Variants in SEL1L2 observed in about 807,000 individuals in gnomAD.
SEL1L2 encodes SEL1L2 adaptor subunit of SYVN1 ubiquitin ligase.
SEL1L2 carries 89 observed loss-of-function variants against 98.8 expected under a neutral mutation model. That is an observed-to-expected ratio of 0.90 (90% CI 0.76 to 1.07). The LOEUF (loss-of-function observed/expected upper bound fraction) is 1.07, where lower values mean the gene tolerates loss of function less well. SEL1L2 is among the 50% of genes least tolerant of loss of function. The probability of loss-of-function intolerance (pLI) is 0.00; values close to 1 mark genes in which losing one functional copy is unlikely to be tolerated. For synonymous variants in SEL1L2, 262 were observed against 278.5 expected (o/e 0.94, Z 0.59); for missense variants, 788 against 812.0 (o/e 0.97, Z 0.36).
At position 13,915,261 on chromosome 20, in the gene SEL1L2, G is replaced by A. The variant is rs1024870785; in HGVS notation, c.387-1317C>T. On this transcript the variant is annotated intron_variant, in intron 4 of 19. Transcript: ENST00000284951. Reference sequence around the variant, plus strand: ...AGAATCCTGGATGTCAAAACACAGGGTGAGTACTCCAGTGGAACAAAAAGA... The same window carrying A: ...AGAATCCTGGATGTCAAAACACAGGATGAGTACTCCAGTGGAACAAAAAGA... The A allele has an allele frequency of 5.4e-6, 7 of 1,287,152 alleles. No homozygotes were observed. The East Asian group carries it at 1.7e-4, about 31-fold the overall frequency. 79.7% of individuals were successfully genotyped at this position (1,287,152 alleles called of 1,614,324 possible).
intron 12 of SEL1L2, among the ~76,000 whole-genome samples, chr20:13,873,157 A>G (rs911825079): frequency 2.0e-5 from 3 of 150,580 alleles, no homozygotes; most frequent in Non-Finnish European, 4.4e-5. Context: ...TGCCTGGCTA[A>G]TTTTGTACTT....
chr20:13,937,277 T>TCCTAG (rs1322103296), intron 2 of SEL1L2, among the ~76,000 whole-genome samples: 1 of 152,094 alleles, frequency 6.6e-6, no homozygotes, highest in East Asian at 1.9e-4. Flanking sequence ...CCTAGGCAGG[T>TCCTAG]GAAAAAGGGG....
At chr20:13,901,951 C>G (rs1255018180) in intron 5 of SEL1L2, among the ~76,000 whole-genome samples, 1 of 152,312 alleles carries the variant, frequency 6.6e-6, no homozygotes, top group Admixed American at 6.5e-5. Context: ...CCATGAGCCA[C>G]TGCCCCTGGC....
At position 13,865,442 on chromosome 20, in the gene SEL1L2, C is replaced by T; in HGVS notation, c.1477G>A (p.Gly493Ser). The T allele has an allele frequency of 6.2e-7, 1 of 1,614,034 alleles. No individual in the cohort carries two copies. Among genetic ancestry groups the T allele is most frequent in the African/African-American group, 1.3e-5 (1 of 75,048 alleles). Residue 493 changes from glycine to serine, a missense_variant, in exon 16 of 20, where the codon GGT (glycine) becomes AGT (serine). Physicochemically the swap from Gly to Ser is moderately conservative, Grantham distance 56 (BLOSUM62 0). Coordinates refer to ENST00000284951, the MANE Select transcript of SEL1L2 (RefSeq NM_025229.2). ...FLTAYFAYKD[G>S]DIDSSLVQYA... ...TGAACAAGAGAAGAATCTATATCACCATCCTTATAGGCAAAGTAAGCTGTC... is the reference window on the plus strand; with the variant it reads ...TGAACAAGAGAAGAATCTATATCACTATCCTTATAGGCAAAGTAAGCTGTC...
At chr20:13,946,800 C>CCTGG (rs58675312) in intron 2 of SEL1L2, among the ~76,000 whole-genome samples, 8 of 82 alleles carry the variant, frequency 0.098, no homozygotes, top group African/African-American at 0.25. Flanking sequence ...GCACCTGGTA[C>CCTGG]TGTGATTTTG....
chr20:13,871,907 T>C (rs1046545476), intron 12 of SEL1L2, among the ~76,000 whole-genome samples: 2 of 152,202 alleles, frequency 1.3e-5, no homozygotes, highest in African/African-American at 2.4e-5. Context: ...GCTCTCCAAA[T>C]TTCTTCTTAC....
chr20:13,888,795 C>T (rs1364498898), intron 5 of SEL1L2, among the ~76,000 whole-genome samples: 8 of 130,828 alleles, frequency 6.1e-5, no homozygotes, highest in African/African-American at 1.2e-4. Flanking sequence ...CCAGCCACCA[C>T]GCCCCGCTAT....
At chr20:13,971,770 G>A (rs1439743303) in intron 1 of SEL1L2, among the ~76,000 whole-genome samples, 1 of 152,026 alleles carries the variant, frequency 6.6e-6, no homozygotes, top group African/African-American at 2.4e-5. Context: ...GATCATTTTT[G>A]TGATTCGTAT....
At chr20:13,907,441 T>C (rs2047981858) in intron 5 of SEL1L2, among the ~76,000 whole-genome samples, 1 of 151,746 alleles carries the variant, frequency 6.6e-6, no homozygotes, top group Non-Finnish European at 1.5e-5. Flanking sequence ...TGGTGGCCTA[T>C]GCTTGCAGTC....
intron 2 of SEL1L2, among the ~76,000 whole-genome samples, chr20:13,945,495 T>C (rs1471337994): frequency 6.6e-6 from 1 of 150,918 alleles, no homozygotes; most frequent in Non-Finnish European, 1.5e-5. Context: ...CATATATATA[T>C]ATATATTTAC....
intron 5 of SEL1L2, among the ~76,000 whole-genome samples, chr20:13,897,885 CA>C (rs36054477): frequency 0.016 from 2,449 of 149,668 alleles, 31 homozygotes; most frequent in Non-Finnish European, 0.025. Context: ...AAAAACAAAA[CA>C]AAAAAAAACC....
At chr20:13,989,964 A>T (rs920856847) in intron 1 of SEL1L2, among the ~76,000 whole-genome samples, 1 of 152,192 alleles carries the variant, frequency 6.6e-6, no homozygotes, top group Admixed American at 6.5e-5. Context: ...AAAAGTAACT[A>T]AAAAAATGGC....
At chr20:13,971,353 A>G (rs565710729) in intron 1 of SEL1L2, among the ~76,000 whole-genome samples, 1 of 152,280 alleles carries the variant, frequency 6.6e-6, no homozygotes, top group East Asian at 1.9e-4. Flanking sequence ...CTTACCAAGC[A>G]TTTGAATCTA....
At chr20:13,849,796 C>G (rs1987920934) in intron 19 of SEL1L2, among the ~76,000 whole-genome samples, 192 bp from the exon 20 acceptor site, 1 of 152,300 alleles carries the variant, frequency 6.6e-6, no homozygotes, top group African/African-American at 2.4e-5. Flanking sequence ...TTTAGAATAA[C>G]CCCAAAGATT....
In SEL1L2 at chr20:13,877,515, T is replaced by C. The variant is rs369885129; in HGVS notation, c.1026+5A>G. ...GAAAACAATGAATCAAGATGAAGCA[T>C]GTACCTTTCCTATAAATGCCATGGC... On this transcript the variant is annotated splice_donor_5th_base_variant and intron_variant, in intron 11 of 19. Transcript: ENST00000284951. The C allele has an allele frequency of 4.4e-6, 7 of 1,604,334 alleles. No individual in the cohort carries two copies. The highest frequency in any genetic ancestry group is 4.5e-5 in the East Asian group (2 of 44,836).
rs2047822467 is a variant in SEL1L2 at position 13,904,349 on chromosome 20, T to C, written c.549+9433A>G. Among the ~76,000 whole-genome samples, 3 of 152,260 alleles carry C rather than the reference T, an allele frequency of 2.0e-5. No homozygotes were observed. In the East Asian group the frequency reaches 5.8e-4, roughly 29 times the overall value. On this transcript the variant is annotated intron_variant, in intron 5 of 19. Transcript: ENST00000284951. ...TTTGAGACCAGCCTGGCCAACGTGG[T>C]GAAACCCTGTCTCTACTAAAAGATA...
intron 1 of SEL1L2, among the ~76,000 whole-genome samples, chr20:13,969,090 G>C (rs1035129361): frequency 2.0e-5 from 3 of 152,182 alleles, no homozygotes; most frequent in African/African-American, 7.2e-5. Context: ...TTTTGCAATA[G>C]ATAGAAAGTT....
At chr20:13,963,211 C>T (rs1470476895) in intron 1 of SEL1L2, among the ~76,000 whole-genome samples, 1 of 151,720 alleles carries the variant, frequency 6.6e-6, no homozygotes, top group Admixed American at 6.6e-5. Flanking sequence ...AGACTCACCT[C>T]CTTTTTGTCC....
intron 2 of SEL1L2, among the ~76,000 whole-genome samples, chr20:13,934,138 A>G (rs1263013006): frequency 2.0e-5 from 3 of 149,544 alleles, no homozygotes; most frequent in Non-Finnish European, 4.4e-5. Flanking sequence ...TTTCCCCCCA[A>G]TTCCCCAAAG....
Sources: allele counts gnomAD v4.1 joint callset (sites outside exome capture counted in the v4.1 genomes callset), GRCh38; gene constraint gnomAD v4.1.1; transcripts MANE v1.5; gene names NCBI Gene and HGNC (gene_info 2026-07-23, HGNC 2026-07-21).